TENM4: variants seen among roughly 807,000 people sequenced by gnomAD.
TENM4 encodes teneurin-4.
Under a neutral mutation model 243.3 loss-of-function variants are expected in TENM4, and 82 were observed. The observed-to-expected ratio is 0.34, with a 90% CI of 0.28 to 0.40. The LOEUF (loss-of-function observed/expected upper bound fraction) is 0.40. TENM4 is among the 10% of genes least tolerant of loss of function. The pLI, the probability that TENM4 is intolerant of heterozygous loss-of-function variation, is 1.00. For missense variants in TENM4, 3,138 were observed against 3,673.3 expected (o/e 0.85, Z 3.77); for synonymous variants, 1,412 against 1,456.3 (o/e 0.97, Z 0.69).
chr11:79,252,057 G>A (rs138681489), intron 2 of TENM4, among the ~76,000 whole-genome samples: 2 of 152,142 alleles, frequency 1.3e-5, no homozygotes, highest in African/African-American at 4.8e-5. Context: ...ACAAAACTAT[G>A]GAATAAAAAG....
intron 20 of TENM4, 59 bp downstream of exon 20, chr11:78,738,392 T>C: frequency 6.4e-7 from 1 of 1,568,144 alleles, no homozygotes; most frequent in Non-Finnish European, 8.6e-7. Context: ...GCAGCAGCTA[T>C]ATGGCAAGAC....
intron 4 of TENM4, among the ~76,000 whole-genome samples, chr11:79,130,571 C>A (rs547778058): frequency 6.6e-6 from 1 of 152,274 alleles, no homozygotes; most frequent in South Asian, 2.1e-4. Flanking sequence ...TGCCTGTAAT[C>A]CCAGCACTTT....
Position 79,045,646 on chromosome 11 carries a change from A to C in TENM4, c.493+19092T>G, listed in dbSNP as rs146393966. ...GGCAGGCAGCCACGGACAGTTAATG[A>C]GTGATTTATTGGTGCTGCTGCAGAA... On this transcript the variant is annotated intron_variant, in intron 6 of 33. Coordinates refer to ENST00000278550, the MANE Select transcript of TENM4 (RefSeq NM_001098816.3). Among the ~76,000 whole-genome samples, 404 of 151,600 alleles carry C rather than the reference A, an allele frequency of 2.7e-3. 3 individuals are homozygous for C. The highest frequency in any genetic ancestry group is 9.2e-3 in the African/African-American group (379 of 41,306).
rs866332994 is a variant in TENM4 at position 78,816,454 on chromosome 11, C to A, written c.1682-2059G>T. ...CCCTGCCTCTATTTTTGTGGCGACTCTAGCTATGGGTTCACTGGATCAAAC... is the reference window on the plus strand; with the variant it reads ...CCCTGCCTCTATTTTTGTGGCGACTATAGCTATGGGTTCACTGGATCAAAC... On this transcript the variant is annotated intron_variant, in intron 12 of 33. Transcript: ENST00000278550. 3.9e-5 allele frequency among the ~76,000 whole-genome samples: 6 copies of A among 152,238 alleles called. No homozygotes were observed. The South Asian group carries it at 8.3e-4, about 21-fold the overall frequency.
intron 2 of TENM4, among the ~76,000 whole-genome samples, chr11:79,266,490 C>G (rs989386238): frequency 2.0e-5 from 3 of 152,204 alleles, no homozygotes; most frequent in African/African-American, 7.2e-5. Context: ...GCAGGAGGAG[C>G]TCCTGTGCCC....
intron 6 of TENM4, among the ~76,000 whole-genome samples, chr11:79,007,900 T>C (rs1301551552): frequency 1.3e-5 from 2 of 152,206 alleles, no homozygotes; most frequent in Non-Finnish European, 2.9e-5. Context: ...CCTGGATCCC[T>C]GTCTTGACTT....
intron 1 of TENM4, among the ~76,000 whole-genome samples, chr11:79,396,784 T>A (rs1195562558): frequency 6.6e-6 from 1 of 152,320 alleles, no homozygotes; most frequent in South Asian, 2.1e-4. Flanking sequence ...TGGTTCACAC[T>A]CCATAGGACC....
At position 78,778,615 on chromosome 11, in the gene TENM4, A is replaced by G; in HGVS notation, c.2379T>C (p.Asp793=). The change falls in exon 17 of 34, where the codon GAT becomes GAC. Residue 793 remains aspartate, a synonymous_variant. Transcript: ENST00000278550. ...GEHCTIAHYL[D]RVVKEGCPGL... ...GGAAGACCATACCTTTAACTACCCT[A>G]TCCAGATAGTGAGCTAGGGAGATAA... 1 of 1,612,282 alleles carries G rather than the reference A, an allele frequency of 6.2e-7. No homozygotes were observed. Among genetic ancestry groups the G allele is most frequent in the Non-Finnish European group, 8.5e-7 (1 of 1,179,212 alleles).
intron 4 of TENM4, among the ~76,000 whole-genome samples, chr11:79,138,348 A>AT (rs1862158026): frequency 8.1e-6 from 1 of 123,526 alleles, no homozygotes; most frequent in African/African-American, 3.2e-5. Flanking sequence ...ATAATATATA[A>AT]AAATATATAA....
intron 3 of TENM4, among the ~76,000 whole-genome samples, chr11:79,174,111 TTAAAA>T (rs990494811): frequency 1.3e-5 from 2 of 152,214 alleles, no homozygotes; most frequent in African/African-American, 4.8e-5. Flanking sequence ...ATAGCACTTC[TTAAAA>T]TAAAAGCAAA....
intron 6 of TENM4, among the ~76,000 whole-genome samples, chr11:79,062,956 T>G (rs1170214012): frequency 6.6e-6 from 1 of 152,102 alleles, no homozygotes; most frequent in Non-Finnish European, 1.5e-5. Flanking sequence ...GGGAAACTCC[T>G]CTGGTACTGA....
At chr11:79,121,146 G>T (rs905724589) in intron 4 of TENM4, among the ~76,000 whole-genome samples, 2 of 152,128 alleles carry the variant, frequency 1.3e-5, no homozygotes, top group African/African-American at 4.8e-5. Context: ...AGCTCTGGAG[G>T]AGCTAGGGCT....
chr11:79,393,475 A>T (rs2135544735), intron 1 of TENM4, among the ~76,000 whole-genome samples: 1 of 152,352 alleles, frequency 6.6e-6, no homozygotes, highest in South Asian at 2.1e-4. Context: ...TGGCTGTCAG[A>T]GTGGCTTCTT....
chr11:79,189,096 A>T (rs1863430813), intron 3 of TENM4, among the ~76,000 whole-genome samples: 1 of 152,192 alleles, frequency 6.6e-6, no homozygotes, highest in African/African-American at 2.4e-5. Context: ...AAGTCATTTA[A>T]AATACTATTT....
At chr11:79,128,347 G>A (rs1468442769) in intron 4 of TENM4, among the ~76,000 whole-genome samples, 1 of 152,108 alleles carries the variant, frequency 6.6e-6, no homozygotes, top group Non-Finnish European at 1.5e-5. Context: ...TCATGAACTG[G>A]GTGCTTTCAG....
chr11:79,372,573 A>T (rs993776479), intron 1 of TENM4, among the ~76,000 whole-genome samples: 56 of 152,280 alleles, frequency 3.7e-4, no homozygotes, highest in African/African-American at 1.2e-3. Flanking sequence ...AGCAGAGAGG[A>T]CTTGTAACAG....
intron 1 of TENM4, among the ~76,000 whole-genome samples, chr11:79,309,895 G>C (rs925351202): frequency 5.9e-5 from 9 of 152,300 alleles, no homozygotes; most frequent in African/African-American, 1.9e-4. Context: ...TGCCCATGCT[G>C]TTCCCCCATC....
chr11:79,098,029 AGGAAG>A (rs1377665133), intron 4 of TENM4: 1 of 152,202 alleles, frequency 6.6e-6, no homozygotes, highest in Non-Finnish European at 1.5e-5. Context: ...AAGCCAAGGA[AGGAAG>A]GGAAGTATTT....
chr11:78,875,596 G>C (rs989476705), intron 9 of TENM4, among the ~76,000 whole-genome samples: 2 of 152,192 alleles, frequency 1.3e-5, no homozygotes, highest in Non-Finnish European at 2.9e-5. Flanking sequence ...ATATGGGAAG[G>C]GTAGAGGCCA....
Sources: allele counts gnomAD v4.1 joint callset (sites outside exome capture counted in the v4.1 genomes callset), GRCh38; gene constraint gnomAD v4.1.1; transcripts MANE v1.5; gene names NCBI Gene and HGNC (gene_info 2026-07-23, HGNC 2026-07-21).